USP32: variants seen among roughly 807,000 people sequenced by gnomAD.
USP32 encodes the protein ubiquitin carboxyl-terminal hydrolase 32.
In USP32, 59 loss-of-function variants were observed where a neutral mutation model predicts 204.8. The observed-to-expected ratio is 0.29, with a 90% confidence interval of 0.23 to 0.36. The LOEUF (loss-of-function observed/expected upper bound fraction) is 0.36. Among genes scored for constraint, USP32 ranks in the 10% least tolerant of loss-of-function variants. USP32 has a pLI of 1.00. For missense variants in USP32, 1,160 were observed against 1,946.4 expected (o/e 0.60, Z 7.60); for synonymous variants, 517 against 678.4 (o/e 0.76, Z 3.70).
At chr17:60,313,708 G>A (rs893366915) in intron 2 of USP32, among the ~76,000 whole-genome samples, 62 of 152,090 alleles carry the variant, frequency 4.1e-4, no homozygotes, top group African/African-American at 1.5e-3. Flanking sequence ...CTTAGTATTA[G>A]AGGTAAACCA....
chr17:60,290,238 A>G (rs2087237782), intron 4 of USP32, among the ~76,000 whole-genome samples: 1 of 152,190 alleles, frequency 6.6e-6, no homozygotes, highest in South Asian at 2.1e-4. Flanking sequence ...ACTAATACCA[A>G]TGAACTTTCT....
Position 60,213,926 on chromosome 17 carries a change from T to C in USP32, c.2023-264A>G, listed in dbSNP as rs151079186. 5.0e-3 allele frequency among the ~76,000 whole-genome samples: 763 copies of C among 152,042 alleles called. 2 individuals are homozygous for C. Among genetic ancestry groups the C allele is most frequent in the Non-Finnish European group, 8.5e-3 (576 of 67,960 alleles). On this transcript the variant is annotated intron_variant, in intron 17 of 33. Coordinates refer to ENST00000300896, the MANE Select transcript of USP32 (RefSeq NM_032582.4). ...GGGGAACAGGTGGTGTTTGGTTACA[T>C]GAATACGTTTTGTTTTTTGTTTTTT...
At chr17:60,185,764 A>G in intron 29 of USP32, 113 bp from the exon 30 acceptor site, 1 of 1,255,310 alleles carries the variant, frequency 8.0e-7, no homozygotes, top group East Asian at 2.5e-5. Flanking sequence ...TATATAAGGA[A>G]AAAGAAAATA....
intron 2 of USP32, among the ~76,000 whole-genome samples, chr17:60,320,768 T>C (rs1236161508): frequency 6.6e-6 from 1 of 152,174 alleles, no homozygotes; most frequent in Non-Finnish European, 1.5e-5. Flanking sequence ...AAAAATATTT[T>C]CAGAAAGGGT....
At chr17:60,393,837 A>T (rs1400422783), upstream of USP32, among the ~76,000 whole-genome samples, 1 of 152,220 alleles carries the variant, frequency 6.6e-6, no homozygotes, top group East Asian at 1.9e-4. Context: ...GGCATGCGCC[A>T]CCATGCCTGG....
chr17:60,412,528 C>T (rs2090026591), intron 1 of USP32, among the ~76,000 whole-genome samples: 2 of 146,728 alleles, frequency 1.4e-5, no homozygotes, highest in Non-Finnish European at 3.0e-5. Flanking sequence ...GAGTGATACC[C>T]TGTTTCAAAA....
At chr17:60,282,515 G>A (rs1326504911) in intron 5 of USP32, among the ~76,000 whole-genome samples, 5 of 152,014 alleles carry the variant, frequency 3.3e-5, no homozygotes, top group African/African-American at 1.2e-4. Flanking sequence ...CACTACACCC[G>A]GCTAATTTTT....
intron 1 of USP32, chr17:60,422,132 C>G: frequency 3.2e-6 from 1 of 313,916 alleles, no homozygotes; most frequent in Non-Finnish European, 5.5e-6. Flanking sequence ...ACCTCTGTCC[C>G]AAATCAGAAA....
At chr17:60,402,134 T>C (rs979218276) in intron 1 of USP32, among the ~76,000 whole-genome samples, 1 of 152,196 alleles carries the variant, frequency 6.6e-6, no homozygotes, top group African/African-American at 2.4e-5. Flanking sequence ...AATTTTGCAT[T>C]GTACAAGCAC....
intron 1 of USP32, among the ~76,000 whole-genome samples, chr17:60,414,037 G>A (rs746932622): frequency 6.6e-6 from 1 of 151,744 alleles, no homozygotes; most frequent in Non-Finnish European, 1.5e-5. Flanking sequence ...ATGTGGGTCC[G>A]GGTTTCTGAA....
chr17:60,296,697 A>T (rs2087438300), intron 3 of USP32, among the ~76,000 whole-genome samples: 1 of 152,214 alleles, frequency 6.6e-6, no homozygotes, highest in South Asian at 2.1e-4. Context: ...TTTGTGACTT[A>T]AAAAATTGTT....
At chr17:60,240,284 C>T (rs2085842987) in intron 11 of USP32, among the ~76,000 whole-genome samples, 1 of 152,232 alleles carries the variant, frequency 6.6e-6, no homozygotes, top group African/African-American at 2.4e-5. Flanking sequence ...TTTGCTTTCA[C>T]TGACTGCTAT....
At chr17:60,340,508 T>C (rs1305121231) in intron 2 of USP32, among the ~76,000 whole-genome samples, 8 of 152,230 alleles carry the variant, frequency 5.3e-5, no homozygotes, top group Non-Finnish European at 4.4e-5. Context: ...TTTTTTTGGC[T>C]TTCCATTTGC....
intron 1 of USP32, among the ~76,000 whole-genome samples, chr17:60,358,797 T>C (rs1251141265): frequency 1.3e-5 from 2 of 152,174 alleles, no homozygotes; most frequent in African/African-American, 4.8e-5. Context: ...GTTTTGATAT[T>C]ACATCATGGG....
intron 26 of USP32, among the ~76,000 whole-genome samples, chr17:60,203,347 G>A (rs1361344670): frequency 2.8e-5 from 4 of 143,350 alleles, no homozygotes; most frequent in Non-Finnish European, 6.0e-5. Flanking sequence ...GCTGCAGTGA[G>A]TGGAGATCAC....
At chr17:60,404,039 CA>C (rs76866814) in intron 1 of USP32, among the ~76,000 whole-genome samples, 22,441 of 101,328 alleles carry the variant, frequency 0.22, 2,324 homozygotes, top group African/African-American at 0.39. Context: ...GACCCTGCCT[CA>C]AAAAAAAAAA....
intron 2 of USP32, among the ~76,000 whole-genome samples, chr17:60,320,172 G>A (rs146274347): frequency 4.1e-4 from 62 of 152,192 alleles, no homozygotes; most frequent in Non-Finnish European, 7.2e-4. Context: ...AACTTCAAAT[G>A]ACACCAGGTA....
chr17:60,224,346 G>A (rs1183234795), intron 13 of USP32, among the ~76,000 whole-genome samples: 1 of 152,228 alleles, frequency 6.6e-6, no homozygotes, highest in Admixed American at 6.5e-5. Flanking sequence ...GCTGATGACA[G>A]CACTTCTAGG....
At position 60,223,417 on chromosome 17, in the gene USP32, T is replaced by C; in HGVS notation, c.1602A>G (p.Pro534=). 6.2e-7 allele frequency: 1 copy of C among 1,605,046 alleles called. No individual in the cohort carries two copies. The highest frequency in any genetic ancestry group is 8.5e-7 in the Non-Finnish European group (1 of 1,177,868). The change falls in exon 14 of 34, where the codon CCA becomes CCG. Residue 534 remains proline, a synonymous_variant. Transcript: ENST00000300896. ...IDNQPLVTQE[P]VKATSLTLEG... ...TAGATGTAAAATTACTTACCTTTAC[T>C]GGTTCTTGAGTTACTAATGGCTGAT...
Sources: allele counts gnomAD v4.1 joint callset (sites outside exome capture counted in the v4.1 genomes callset), GRCh38; gene constraint gnomAD v4.1.1; transcripts MANE v1.5; gene names NCBI Gene and HGNC (gene_info 2026-07-23, HGNC 2026-07-21).